EPB41L2: variants seen among roughly 807,000 people sequenced by gnomAD.
EPB41L2 encodes erythrocyte membrane protein band 4.1 like 2.
Under a neutral mutation model 113.0 loss-of-function variants are expected in EPB41L2, and 43 were observed. That is an observed-to-expected ratio of 0.38 (90% CI 0.30 to 0.49). The LOEUF is 0.49. EPB41L2 is among the 20% of genes least tolerant of loss of function. EPB41L2 has a pLI of 0.95. For synonymous variants in EPB41L2, 442 were observed against 436.7 expected, an observed-to-expected ratio of 1.01 and a Z score of -0.15; for missense variants, 1,147 against 1,223.4, an observed-to-expected ratio of 0.94 and a Z score of 0.93.
chr6:131,003,034 A>T (rs1784693044), intron 1 of EPB41L2, among the ~76,000 whole-genome samples: 1 of 152,210 alleles, frequency 6.6e-6, no homozygotes, highest in Non-Finnish European at 1.5e-5. Context: ...GTTTTAAGCA[A>T]GTTATTTGAT....
chr6:130,890,171 C>CG, intron 11 of EPB41L2, 123 bp downstream of exon 11: 1 of 967,214 alleles, frequency 1.0e-6, no homozygotes, highest in African/African-American at 1.7e-5. Flanking sequence ...TTTATTTACT[C>CG]GGGAAAAAAT....
chr6:131,004,262 T>C (rs1784972777), intron 1 of EPB41L2, among the ~76,000 whole-genome samples: 1 of 151,732 alleles, frequency 6.6e-6, no homozygotes, highest in African/African-American at 2.4e-5. Context: ...GTGGGCACAG[T>C]GGGGGAGTAA....
At chr6:130,849,433 G>A (rs547485487) in intron 19 of EPB41L2, among the ~76,000 whole-genome samples, 17 of 152,284 alleles carry the variant, frequency 1.1e-4, no homozygotes, top group Non-Finnish European at 2.2e-4. Context: ...GAGGGAAAAT[G>A]TAGCATTTGT....
intron 3 of EPB41L2, among the ~76,000 whole-genome samples, chr6:130,949,792 C>G (rs918646504): frequency 6.6e-6 from 1 of 152,058 alleles, no homozygotes; most frequent in Non-Finnish European, 1.5e-5. Context: ...AGTCCCTCCT[C>G]TTCCTCCTCC....
At chr6:131,024,763 A>G (rs1790472754) in intron 1 of EPB41L2, among the ~76,000 whole-genome samples, 1 of 152,072 alleles carries the variant, frequency 6.6e-6, no homozygotes, top group Admixed American at 6.5e-5. Flanking sequence ...GTCCCAACTA[A>G]CCTTAGAGCC....
At chr6:130,886,605 T>A (rs1316560063) in intron 11 of EPB41L2, among the ~76,000 whole-genome samples, 1 of 150,322 alleles carries the variant, frequency 6.7e-6, no homozygotes, top group Non-Finnish European at 1.5e-5. Flanking sequence ...TTAAGTATAG[T>A]TATTTTCCAG....
At chr6:130,990,641 A>G (rs1282474485) in intron 1 of EPB41L2, among the ~76,000 whole-genome samples, 1 of 152,202 alleles carries the variant, frequency 6.6e-6, no homozygotes, top group African/African-American at 2.4e-5. Flanking sequence ...CTTTGATTGT[A>G]AAATAAAGAG....
intron 19 of EPB41L2, among the ~76,000 whole-genome samples, chr6:130,852,675 T>A (rs541598032): frequency 6.6e-6 from 1 of 152,302 alleles, no homozygotes; most frequent in East Asian, 1.9e-4. Flanking sequence ...GTAAGTTACA[T>A]CCTTACCATC....
intron 1 of EPB41L2, among the ~76,000 whole-genome samples, chr6:131,041,849 A>C (rs1165968100): frequency 6.6e-6 from 1 of 152,228 alleles, no homozygotes; most frequent in Admixed American, 6.5e-5. Flanking sequence ...TCTAACTTTA[A>C]CTATAGAAGC....
chr6:130,876,516 C>A (rs1303322281), intron 14 of EPB41L2, among the ~76,000 whole-genome samples: 7 of 152,206 alleles, frequency 4.6e-5, no homozygotes, highest in Admixed American at 4.6e-4. Context: ...CAATCCTATG[C>A]TTCTATACAC....
At chr6:130,922,770 A>AT (rs1803292625) in intron 4 of EPB41L2, among the ~76,000 whole-genome samples, 3 of 150,900 alleles carry the variant, frequency 2.0e-5, no homozygotes, top group Admixed American at 6.7e-5. Flanking sequence ...GCCACCTCTG[A>AT]TTTTTTTAAA....
chr6:131,056,404 T>C (rs1797611005), intron 1 of EPB41L2, among the ~76,000 whole-genome samples: 1 of 152,218 alleles, frequency 6.6e-6, no homozygotes, highest in South Asian at 2.1e-4. Context: ...TTTTCCCATA[T>C]ATATGCTCTT....
chr6:130,894,867 T>G, intron 9 of EPB41L2, 100 bp downstream of exon 9: 1 of 1,259,600 alleles, frequency 7.9e-7, no homozygotes, highest in Non-Finnish European at 1.1e-6. Context: ...AATAAATAGT[T>G]TATTTTCTTA....
chr6:131,024,359 G>C (rs1052070118), intron 1 of EPB41L2, among the ~76,000 whole-genome samples: 1 of 152,130 alleles, frequency 6.6e-6, no homozygotes, highest in Non-Finnish European at 1.5e-5. Flanking sequence ...TGCCAGGAAA[G>C]AGGTGTGTTC....
intron 1 of EPB41L2, among the ~76,000 whole-genome samples, chr6:130,987,262 C>G (rs969548318): frequency 1.3e-5 from 2 of 152,142 alleles, no homozygotes; most frequent in African/African-American, 4.8e-5. Context: ...ACTGCTGGAT[C>G]GAATAATTAC....
intron 16 of EPB41L2, among the ~76,000 whole-genome samples, chr6:130,867,110 A>G (rs1450165564): frequency 6.6e-6 from 1 of 152,220 alleles, no homozygotes; most frequent in East Asian, 1.9e-4. Flanking sequence ...TCGATGAATT[A>G]TATCAGATAA....
chr6:130,908,606 A>C (rs948945001), intron 5 of EPB41L2, among the ~76,000 whole-genome samples: 3 of 152,232 alleles, frequency 2.0e-5, no homozygotes, highest in African/African-American at 7.2e-5. Flanking sequence ...ATTCTGAGTG[A>C]ATATTTAGGA....
chr6:130,992,298 C>G (rs545667872), intron 1 of EPB41L2, among the ~76,000 whole-genome samples: 1 of 152,204 alleles, frequency 6.6e-6, no homozygotes, highest in South Asian at 2.1e-4. Context: ...GGTCAAATTC[C>G]TATCACCAGC....
intron 1 of EPB41L2, among the ~76,000 whole-genome samples, chr6:130,980,132 G>T (rs1371316657): frequency 1.3e-5 from 2 of 152,166 alleles, no homozygotes; most frequent in Non-Finnish European, 2.9e-5. Context: ...TCATAAGATG[G>T]CTACTAACCT....
Sources: allele counts gnomAD v4.1 joint callset (sites outside exome capture counted in the v4.1 genomes callset), GRCh38; gene constraint gnomAD v4.1.1; transcripts MANE v1.5; gene names NCBI Gene and HGNC (gene_info 2026-07-23, HGNC 2026-07-21).